The following RIT2 variants were observed in gnomAD, a reference collection of about 807,000 sequenced individuals.
The protein encoded by RIT2 is Ras like without CAAX 2.
RIT2 carries 24 observed loss-of-function variants against 23.7 expected under a neutral mutation model. The observed-to-expected ratio is 1.01, with a 90% CI of 0.73 to 1.43. The LOEUF (loss-of-function observed/expected upper bound fraction) is 1.43. Among genes scored for constraint, RIT2 ranks in the 40% most tolerant of loss-of-function variants. RIT2 has a pLI of 0.00. For missense variants in RIT2, 236 were observed against 266.9 expected (o/e 0.88, Z 0.81); for synonymous variants, 107 against 91.1 (o/e 1.17, Z -0.99).
At chr18:42,966,730 T>C (rs1910232908) in intron 3 of RIT2, among the ~76,000 whole-genome samples, 1 of 152,162 alleles carries the variant, frequency 6.6e-6, no homozygotes, top group African/African-American at 2.4e-5. Flanking sequence ...ATGATTTTAT[T>C]TCTTTTGTAT....
At chr18:42,956,856 G>A (rs6507506) in intron 3 of RIT2, among the ~76,000 whole-genome samples, 4,994 of 152,188 alleles carry the variant, frequency 0.033, 276 homozygotes, top group African/African-American at 0.11. Context: ...GCATCCTGGC[G>A]TCCCGGAAGG....
At chr18:42,769,317 AC>A (rs1481738144) in intron 4 of RIT2, among the ~76,000 whole-genome samples, 1 of 152,120 alleles carries the variant, frequency 6.6e-6, no homozygotes, top group Non-Finnish European at 1.5e-5. Flanking sequence ...TTCTGTAAAG[AC>A]TGAATGGGTC....
chr18:43,026,573 TAAGA>T (rs199513808), intron 2 of RIT2, among the ~76,000 whole-genome samples: 12,921 of 77,138 alleles, frequency 0.17, 937 homozygotes, highest in African/African-American at 0.22. Flanking sequence ...AAGAAATAAA[TAAGA>T]AAGAAAGAAA....
intron 1 of RIT2, among the ~76,000 whole-genome samples, chr18:43,097,785 AG>A (rs1250225004): frequency 2.0e-5 from 3 of 152,116 alleles, no homozygotes; most frequent in Admixed American, 6.6e-5. Context: ...ATGATCTCCA[AG>A]GGTAGTTTTC....
chr18:43,109,301 T>C (rs1913899600), intron 1 of RIT2, among the ~76,000 whole-genome samples: 1 of 152,232 alleles, frequency 6.6e-6, no homozygotes, highest in Admixed American at 6.5e-5. Flanking sequence ...AATTCTGAGT[T>C]CCCTAATCCT....
chr18:42,998,987 G>C (rs1911047350), intron 2 of RIT2, among the ~76,000 whole-genome samples: 1 of 152,060 alleles, frequency 6.6e-6, no homozygotes, highest in South Asian at 2.1e-4. Context: ...TCTACAATGT[G>C]TTAACTCTTA....
At chr18:42,909,397 A>G (rs1908709060) in intron 4 of RIT2, among the ~76,000 whole-genome samples, 1 of 152,126 alleles carries the variant, frequency 6.6e-6, no homozygotes, top group Non-Finnish European at 1.5e-5. Flanking sequence ...GTTCATTAAA[A>G]TCTCAGAAAT....
intron 4 of RIT2, among the ~76,000 whole-genome samples, chr18:42,838,089 G>A (rs768762829): frequency 7.2e-5 from 11 of 151,938 alleles, no homozygotes; most frequent in East Asian, 1.9e-4. Context: ...CTACAAAATC[G>A]GATTCTTCAT....
intron 2 of RIT2, among the ~76,000 whole-genome samples, chr18:43,005,844 T>C (rs1238990692): frequency 1.3e-5 from 2 of 151,704 alleles, no homozygotes; most frequent in Admixed American, 1.3e-4. Context: ...ATCCAAAAAC[T>C]AGTACTCATT....
At chr18:43,009,834 C>T (rs1448970676) in intron 2 of RIT2, among the ~76,000 whole-genome samples, 1 of 151,694 alleles carries the variant, frequency 6.6e-6, no homozygotes, top group Non-Finnish European at 1.5e-5. Flanking sequence ...CAGGAAGCTT[C>T]TTTCACCTCT....
At chr18:42,780,597 T>C (rs1913788574) in intron 4 of RIT2, among the ~76,000 whole-genome samples, 4 of 152,174 alleles carry the variant, frequency 2.6e-5, no homozygotes, top group African/African-American at 7.2e-5. Flanking sequence ...TGAGGTAAAA[T>C]ACTTTGATTT....
intron 4 of RIT2, among the ~76,000 whole-genome samples, chr18:42,900,416 C>T (rs929888525): frequency 6.6e-6 from 1 of 151,972 alleles, no homozygotes; most frequent in Non-Finnish European, 1.5e-5. Flanking sequence ...TAAAATTAAG[C>T]GAATCCCCAT....
intron 3 of RIT2, among the ~76,000 whole-genome samples, chr18:42,935,614 G>T (rs1909435410): frequency 6.6e-6 from 1 of 152,150 alleles, no homozygotes; most frequent in Non-Finnish European, 1.5e-5. Flanking sequence ...TCTTTGTACA[G>T]TGTCTGCTAT....
At chr18:43,114,919 C>T (rs981446980) in intron 1 of RIT2, among the ~76,000 whole-genome samples, 4 of 152,128 alleles carry the variant, frequency 2.6e-5, no homozygotes, top group Admixed American at 2.6e-4. Context: ...ATTCAAAGCC[C>T]ACACACACCA....
At chr18:42,879,879 C>A (rs1011581732) in intron 4 of RIT2, among the ~76,000 whole-genome samples, 1 of 152,106 alleles carries the variant, frequency 6.6e-6, no homozygotes, top group Non-Finnish European at 1.5e-5. Context: ...GAGTTTTAAT[C>A]TCAATGTATT....
chr18:42,794,899 T>C (rs1914121465), intron 4 of RIT2, among the ~76,000 whole-genome samples: 1 of 152,218 alleles, frequency 6.6e-6, no homozygotes, highest in African/African-American at 2.4e-5. Flanking sequence ...AAGTTGACAC[T>C]GGTGAGAGGC....
intron 4 of RIT2, among the ~76,000 whole-genome samples, chr18:42,889,393 T>A (rs980245633): frequency 6.6e-6 from 1 of 152,044 alleles, no homozygotes; most frequent in African/African-American, 2.4e-5. Context: ...CCACCTTAGA[T>A]GAATTATATT....
At chr18:42,997,729 G>T (rs527513578) in intron 2 of RIT2, among the ~76,000 whole-genome samples, 1 of 152,152 alleles carries the variant, frequency 6.6e-6, no homozygotes, top group South Asian at 2.1e-4. Flanking sequence ...TAAAGGAAGA[G>T]AACTTAAAAT....
intron 1 of RIT2, among the ~76,000 whole-genome samples, chr18:43,106,274 G>A (rs939537218): frequency 6.6e-6 from 1 of 152,174 alleles, no homozygotes; most frequent in East Asian, 1.9e-4. Flanking sequence ...GTGAATGCAC[G>A]CAGATTTATG....
Sources: allele counts gnomAD v4.1 joint callset (sites outside exome capture counted in the v4.1 genomes callset), GRCh38; gene constraint gnomAD v4.1.1; transcripts MANE v1.5; gene names NCBI Gene and HGNC (gene_info 2026-07-23, HGNC 2026-07-21).